Variants in PRKN observed in about 807,000 individuals in gnomAD.
The protein encoded by PRKN is E3 ubiquitin-protein ligase parkin.
In PRKN, 56 loss-of-function variants were observed where a neutral mutation model predicts 59.5. The ratio of observed to expected loss-of-function variants is 0.94; its 90% confidence interval spans 0.76 to 1.18. PRKN has a LOEUF of 1.18. Among genes scored for constraint, PRKN ranks in the 50% most tolerant of loss-of-function variants. The pLI is 0.00. For missense variants in PRKN, 657 were observed against 596.4 expected (o/e 1.10, Z -1.06); for synonymous variants, 250 against 222.1 (o/e 1.13, Z -1.12).
In PRKN at chr6:162,404,146, C is replaced by T. The variant is rs942530459; in HGVS notation, c.171+39164G>A. Among the ~76,000 whole-genome samples, 6 of 151,708 alleles carry T rather than the reference C, an allele frequency of 4.0e-5. No individual in the cohort carries two copies. In the South Asian group the frequency reaches 1.0e-3, roughly 26 times the overall value. ...CAGCACTTTGGGAGGCTGAGGCAGGCGGATCACGAGGTCAGGAGTTCGAGA... is the reference window on the plus strand; with the variant it reads ...CAGCACTTTGGGAGGCTGAGGCAGGTGGATCACGAGGTCAGGAGTTCGAGA... On this transcript the variant is annotated intron_variant, in intron 2 of 11. Transcript: ENST00000366898.
intron 9 of PRKN, among the ~76,000 whole-genome samples, chr6:161,492,929 T>C (rs988600961): frequency 2.0e-5 from 3 of 152,232 alleles, no homozygotes; most frequent in African/African-American, 7.2e-5. Context: ...GGCCCTATCA[T>C]GTTTTATGAT....
At chr6:162,194,765 AG>A (rs1258266658) in intron 4 of PRKN, among the ~76,000 whole-genome samples, 3 of 152,032 alleles carry the variant, frequency 2.0e-5, no homozygotes, top group African/African-American at 7.2e-5. Context: ...CTCTTTTGGA[AG>A]TATTAGCTTT....
chr6:162,285,100 G>C (rs908293113), intron 2 of PRKN, among the ~76,000 whole-genome samples: 1 of 152,022 alleles, frequency 6.6e-6, no homozygotes, highest in Admixed American at 6.6e-5. Flanking sequence ...CAACCCTACT[G>C]ACACCTTGAC....
rs1213323150 is a variant in PRKN, at chr6:161,576,248, C to T, written c.872-6832G>A. Among the ~76,000 whole-genome samples, 1 of 152,218 alleles carries T rather than the reference C, an allele frequency of 6.6e-6. No individual in the cohort carries two copies. Among genetic ancestry groups the T allele is most frequent in the Non-Finnish European group, 1.5e-5 (1 of 68,038 alleles). ...AGCCAAGCTTATTTTAATCCTTTCT[C>T]TCTGCTGATGGGTTTTTATTTATAA... On this transcript the variant is annotated intron_variant, in intron 7 of 11. Coordinates refer to ENST00000366898, the MANE Select transcript of PRKN (RefSeq NM_004562.3). This position sits in a 1 kb window ranked among gnomAD's most constrained non-coding sequence, Gnocchi z 4.6.
intron 3 of PRKN, among the ~76,000 whole-genome samples, chr6:162,238,900 G>C (rs1377092982): frequency 6.6e-6 from 1 of 152,120 alleles, no homozygotes; most frequent in East Asian, 1.9e-4. Context: ...GTGCCCGAAG[G>C]GGGTCTCCTC....
chr6:161,357,588 T>A lies in PRKN; in HGVS notation c.1285+2500A>T, dbSNP rs1432551238. Among the ~76,000 whole-genome samples the A allele has an allele frequency of 6.6e-6, 1 of 152,248 alleles. No individual in the cohort carries two copies. Among genetic ancestry groups the A allele is most frequent in the Non-Finnish European group, 1.5e-5 (1 of 68,042 alleles). On this transcript the variant is annotated intron_variant, in intron 11 of 11. Coordinates refer to ENST00000366898, the MANE Select transcript of PRKN (RefSeq NM_004562.3). The surrounding 1 kb of genome is among the most constrained non-coding windows in gnomAD (Gnocchi z 5.5). Reference sequence around the variant, plus strand: ...AAGGTTATACGTCACACATGTTTATTACAGAAAAGCATAAAAAGAAATAAA... The same window carrying A: ...AAGGTTATACGTCACACATGTTTATAACAGAAAAGCATAAAAAGAAATAAA...
At chr6:162,250,991 G>A (rs1262455681) in intron 3 of PRKN, among the ~76,000 whole-genome samples, 1 of 151,872 alleles carries the variant, frequency 6.6e-6, no homozygotes, top group African/African-American at 2.4e-5. Context: ...CCCATCTTGG[G>A]ACACTGAATC....
rs140372331 is a variant in PRKN at position 161,795,954 on chromosome 6, T to G, written c.735-10046A>C. ...TCTCAGGCTTTATTAAAGTCCCAAA[T>G]TCTTCCAGAAATTAAAAATTATATT... is the stretch of plus-strand genomic sequence containing the variant. On this transcript the variant is annotated intron_variant, in intron 6 of 11. Transcript: ENST00000366898. 1.2e-3 allele frequency among the ~76,000 whole-genome samples: 181 copies of G among 152,278 alleles called. 1 individual carries two copies. Among genetic ancestry groups the G allele is most frequent in the Middle Eastern group, 0.01 (3 of 294 alleles).
chr6:162,328,089 G>A (rs1026915643), intron 2 of PRKN, among the ~76,000 whole-genome samples: 5 of 82,084 alleles, frequency 6.1e-5, no homozygotes, highest in South Asian at 4.2e-4. Flanking sequence ...GGTCGGGTGC[G>A]GTGGCTGACG....
chr6:161,863,750 G>A (rs1468152293), intron 6 of PRKN, among the ~76,000 whole-genome samples: 3 of 152,074 alleles, frequency 2.0e-5, no homozygotes, highest in Non-Finnish European at 2.9e-5. Flanking sequence ...ACACTTTAAG[G>A]TATATAGGCA....
At chr6:161,980,014 C>A (rs1220892888) in intron 5 of PRKN, among the ~76,000 whole-genome samples, 2 of 152,070 alleles carry the variant, frequency 1.3e-5, no homozygotes, top group African/African-American at 4.8e-5. Flanking sequence ...ATTAGCCAAA[C>A]CCAAATACAA....
Position 161,352,769 on chromosome 6 carries a change from A to ATATTT in PRKN, c.1286-2563_1286-2559dup, listed in dbSNP as rs921565246. Among the ~76,000 whole-genome samples, 12 of 119,474 alleles carry ATATTT rather than the reference A, an allele frequency of 1.0e-4. No homozygotes were observed. The highest frequency in any genetic ancestry group is 3.1e-4 in the South Asian group (1 of 3,208). The allele number at this position is 119,474 out of a possible 152,430, so 78.4% of individuals were successfully genotyped here. A position where few individuals can be genotyped will look rare whatever the true frequency, so the allele number is the denominator to read the frequency against. The stretch of plus-strand genomic sequence containing the variant: ...TGTGTGTGTGTGTATATATATATAT[A>ATATTT]TATTTTATTTTATTTTATTTTATTT... On this transcript the variant is annotated intron_variant, in intron 11 of 11. Coordinates refer to ENST00000366898, the MANE Select transcript of PRKN (RefSeq NM_004562.3). The surrounding 1 kb of genome is among the most constrained non-coding windows in gnomAD (Gnocchi z 5.8).
At chr6:162,225,930 T>C (rs950643209) in intron 3 of PRKN, among the ~76,000 whole-genome samples, 58 of 148,358 alleles carry the variant, frequency 3.9e-4, no homozygotes, top group Non-Finnish European at 6.4e-4. Context: ...TTTATACTTC[T>C]ATTATTTTAT....
chr6:162,339,930 T>C (rs1448807094), intron 2 of PRKN, among the ~76,000 whole-genome samples: 4 of 149,020 alleles, frequency 2.7e-5, no homozygotes, highest in Non-Finnish European at 1.5e-5. Context: ...AAACAGATGC[T>C]TGAAGGCAGC....
In PRKN at chr6:161,353,281, A is replaced by G. The variant is rs930074304; in HGVS notation, c.1286-3070T>C. Among the ~76,000 whole-genome samples the G allele has an allele frequency of 2.6e-5, 4 of 152,172 alleles. No homozygotes were observed. Among genetic ancestry groups the G allele is most frequent in the Non-Finnish European group, 5.9e-5 (4 of 68,026 alleles). ...CGCAGCTGTTCTGACTGTGGGTTATAAGACCCGGATTTCAGAAAGAGTCCT... is the reference window on the plus strand; with the variant it reads ...CGCAGCTGTTCTGACTGTGGGTTATGAGACCCGGATTTCAGAAAGAGTCCT... On this transcript the variant is annotated intron_variant, in intron 11 of 11. Coordinates refer to ENST00000366898, the MANE Select transcript of PRKN (RefSeq NM_004562.3). The surrounding 1 kb of genome is among the most constrained non-coding windows in gnomAD (Gnocchi z 4.8).
rs1000229238 is a variant in PRKN at position 161,475,042 on chromosome 6, C to T, written c.1083+73812G>A. Among the ~76,000 whole-genome samples the T allele has an allele frequency of 6.6e-6, 1 of 151,796 alleles. No individual in the cohort carries two copies. The highest frequency in any genetic ancestry group is 1.5e-5 in the Non-Finnish European group (1 of 67,958). ...GCCTCAGCCTCCCAAGTAGCTGGGACTACAGGCATGCACCACCATGCCCAG... is the reference window on the plus strand; with the variant it reads ...GCCTCAGCCTCCCAAGTAGCTGGGATTACAGGCATGCACCACCATGCCCAG... On this transcript the variant is annotated intron_variant, in intron 9 of 11. Transcript: ENST00000366898. This position sits in a 1 kb window ranked among gnomAD's most constrained non-coding sequence, Gnocchi z 5.3.
chr6:161,863,884 T>C (rs916880082), intron 6 of PRKN, among the ~76,000 whole-genome samples: 1 of 152,244 alleles, frequency 6.6e-6, no homozygotes, highest in Non-Finnish European at 1.5e-5. Flanking sequence ...TACTATGCCA[T>C]AGTCATATTA....
intron 1 of PRKN, chr6:162,727,231 G>A (rs893924157): frequency 5.7e-6 from 1 of 175,950 alleles, no homozygotes; most frequent in Admixed American, 6.4e-5. Flanking sequence ...GAGCCCCACA[G>A]AGAGTGGGTC....
chr6:162,321,822 C>G (rs985078383), intron 2 of PRKN, among the ~76,000 whole-genome samples: 1 of 151,726 alleles, frequency 6.6e-6, no homozygotes, highest in Admixed American at 6.6e-5. Flanking sequence ...TTATACAGTC[C>G]CACAGCAAAT....
Sources: gnomAD v4.1 joint callset for allele counts (sites outside exome capture counted in the v4.1 genomes callset) on GRCh38, gnomAD v4.1.1 for gene constraint, Gnocchi (gnomAD v3.1) non-coding constraint, MANE v1.5 for transcripts, NCBI Gene and HGNC (gene_info 2026-07-23, HGNC 2026-07-21) for gene names.